CDH18: variants seen among roughly 807,000 people sequenced by gnomAD.
The protein encoded by CDH18 is cadherin 18, also known as cadherin-18.
CDH18 carries 31 observed loss-of-function variants against 67.9 expected under a neutral mutation model. The observed-to-expected ratio is 0.46, with a 90% CI of 0.34 to 0.62. The LOEUF is 0.62. CDH18 is among the 20% of genes least tolerant of loss of function. CDH18 has a pLI of 0.01. For synonymous variants in CDH18, 362 were observed against 347.2 expected, an observed-to-expected ratio of 1.04 and a Z score of -0.48; for missense variants, 890 against 975.5, an observed-to-expected ratio of 0.91 and a Z score of 1.17.
At chr5:20,455,459 A>G (rs1431998722) in intron 1 of CDH18, among the ~76,000 whole-genome samples, 1 of 152,098 alleles carries the variant, frequency 6.6e-6, no homozygotes, top group East Asian at 1.9e-4. Context: ...GCAGGACAAC[A>G]TGAAAAGTGA....
At chr5:19,741,330 TCACACACACA>T (rs60803879) in intron 4 of CDH18, among the ~76,000 whole-genome samples, 149 of 145,706 alleles carry the variant, frequency 1.0e-3, no homozygotes, top group South Asian at 4.4e-3. Context: ...TATACATGTC[TCACACACACA>T]CACACACACA....
intron 2 of CDH18, among the ~76,000 whole-genome samples, chr5:19,888,928 T>C (rs1788505638): frequency 6.6e-6 from 1 of 152,168 alleles, no homozygotes; most frequent in Admixed American, 6.5e-5. Flanking sequence ...CTTCCCTTGG[T>C]ATCTGTGAGG....
intron 2 of CDH18, among the ~76,000 whole-genome samples, chr5:20,234,596 G>A (rs113408845): frequency 0.024 from 3,586 of 152,002 alleles, 133 homozygotes; most frequent in African/African-American, 0.082. Context: ...CCTTGTTCTC[G>A]GACTTTCCAG....
chr5:20,562,354 T>C (rs1758268657), intron 1 of CDH18, among the ~76,000 whole-genome samples: 1 of 151,712 alleles, frequency 6.6e-6, no homozygotes, highest in Non-Finnish European at 1.5e-5. Context: ...GCCTAAAGAA[T>C]CTTCCCAGAA....
chr5:19,632,009 T>G (rs1752487378), intron 5 of CDH18, among the ~76,000 whole-genome samples: 1 of 152,192 alleles, frequency 6.6e-6, no homozygotes, highest in Non-Finnish European at 1.5e-5. Context: ...CCTTACATAA[T>G]TTTCCTCCAC....
rs1447021366 is a variant in CDH18, at chr5:20,197,590, G to A, written c.-518+57854C>T. ...ACAAATACCACTCCACAGTGGCAGT[G>A]ATCATGATTTTGTCCTAGGGCACCC... On this transcript the variant is annotated intron_variant, in intron 2 of 14. Transcript: ENST00000507958. Among the ~76,000 whole-genome samples, 4 of 152,150 alleles carry A rather than the reference G, an allele frequency of 2.6e-5. No homozygotes were observed. In the South Asian group the frequency reaches 8.3e-4, roughly 31 times the overall value.
intron 2 of CDH18, among the ~76,000 whole-genome samples, chr5:20,202,490 T>C (rs1402871311): frequency 3.3e-5 from 5 of 152,198 alleles, no homozygotes; most frequent in Middle Eastern, 3.4e-3. Flanking sequence ...ATCATTTTTA[T>C]TAAAAATCAG....
chr5:19,788,838 A>T (rs997319992), intron 3 of CDH18, among the ~76,000 whole-genome samples: 1 of 152,130 alleles, frequency 6.6e-6, no homozygotes, highest in African/African-American at 2.4e-5. Flanking sequence ...TTAGGAATTG[A>T]TTTTTTAAAT....
At chr5:19,943,298 A>C (rs948167677) in intron 2 of CDH18, among the ~76,000 whole-genome samples, 1 of 152,146 alleles carries the variant, frequency 6.6e-6, no homozygotes, top group Non-Finnish European at 1.5e-5. Flanking sequence ...GGTCTCTTGA[A>C]TCTAAATGCC....
chr5:20,543,229 G>A (rs1757152127), intron 1 of CDH18, among the ~76,000 whole-genome samples: 1 of 151,268 alleles, frequency 6.6e-6, no homozygotes, highest in Non-Finnish European at 1.5e-5. Context: ...TTATATTTCA[G>A]AGTAACAGGT....
intron 1 of CDH18, among the ~76,000 whole-genome samples, chr5:20,269,006 AG>A (rs1185177798): frequency 4.9e-4 from 74 of 152,306 alleles, no homozygotes; most frequent in Non-Finnish European, 3.2e-4. Context: ...ACAATATAGA[AG>A]TAACACAAAT....
At chr5:19,536,251 C>A (rs1749406007) in intron 9 of CDH18, among the ~76,000 whole-genome samples, 1 of 152,094 alleles carries the variant, frequency 6.6e-6, no homozygotes, top group African/African-American at 2.4e-5. Context: ...GAACATTTAA[C>A]TGTGGAAGAA....
In CDH18 at chr5:19,536,087, G is replaced by A. The variant is rs1216086505; in HGVS notation, c.1390+7782C>T. Among the ~76,000 whole-genome samples the A allele has an allele frequency of 3.3e-5, 5 of 152,048 alleles. No individual in the cohort carries two copies. In the East Asian group the frequency reaches 5.8e-4, roughly 18 times the overall value. On this transcript the variant is annotated intron_variant, in intron 9 of 12. Coordinates refer to ENST00000382275, the MANE Select transcript of CDH18 (RefSeq NM_004934.5). ...GTATTTAACAAAATTTACTAACCAC[G>A]TTCTATACACCAAGACATTCACTAA...
chr5:20,339,565 C>A (rs1300584608), intron 1 of CDH18, among the ~76,000 whole-genome samples: 1 of 152,016 alleles, frequency 6.6e-6, no homozygotes, highest in Non-Finnish European at 1.5e-5. Flanking sequence ...TCTATAGGTT[C>A]CCCTGGTCCA....
chr5:20,276,005 G>T (rs537046956), intron 1 of CDH18, among the ~76,000 whole-genome samples: 1 of 152,218 alleles, frequency 6.6e-6, no homozygotes, highest in Admixed American at 6.5e-5. Context: ...CTAGCCAGAG[G>T]GAAATTACCC....
chr5:20,126,282 C>A (rs1289623054), intron 2 of CDH18, among the ~76,000 whole-genome samples: 1 of 152,170 alleles, frequency 6.6e-6, no homozygotes. Context: ...AAATTAGAAT[C>A]TTTTCTTACA....
intron 1 of CDH18, among the ~76,000 whole-genome samples, chr5:20,443,351 A>G (rs1235656034): frequency 6.6e-6 from 1 of 151,682 alleles, no homozygotes; most frequent in Non-Finnish European, 1.5e-5. Context: ...TATGTTTGGT[A>G]TCCCTAAACC....
intron 2 of CDH18, among the ~76,000 whole-genome samples, chr5:20,091,870 C>T (rs1221230621): frequency 6.6e-6 from 1 of 152,002 alleles, no homozygotes; most frequent in Non-Finnish European, 1.5e-5. Context: ...AAAGAACCTC[C>T]AGATCAGGCA....
At chr5:19,512,204 G>A (rs1745234077) in intron 10 of CDH18, among the ~76,000 whole-genome samples, 1 of 152,118 alleles carries the variant, frequency 6.6e-6, no homozygotes, top group South Asian at 2.1e-4. Context: ...CCATTGTTGT[G>A]CCATATTATG....
Sources: allele counts gnomAD v4.1 joint callset (sites outside exome capture counted in the v4.1 genomes callset), GRCh38; gene constraint gnomAD v4.1.1; transcripts MANE v1.5; gene names NCBI Gene and HGNC (gene_info 2026-07-23, HGNC 2026-07-21).